The following PPP1R16B variants were observed in gnomAD, a reference collection of about 807,000 sequenced individuals.
PPP1R16B encodes the protein protein phosphatase 1 regulatory subunit 16B, also known as protein phosphatase 1 regulatory inhibitor subunit 16B.
A neutral mutation model predicts 61.7 loss-of-function variants in PPP1R16B; 14 were observed. The observed-to-expected ratio is 0.23, with a 90% CI of 0.15 to 0.35. The LOEUF is 0.35. PPP1R16B is among the 10% of genes least tolerant of loss of function. The pLI, the probability that PPP1R16B is intolerant of heterozygous loss-of-function variation, is 1.00. For synonymous variants in PPP1R16B, 266 were observed against 305.3 expected (o/e 0.87, Z 1.34); for missense variants, 547 against 752.5 (o/e 0.73, Z 3.19).
At chr20:38,826,776 G>A (rs374245485) in intron 1 of PPP1R16B, among the ~76,000 whole-genome samples, 11 of 152,240 alleles carry the variant, frequency 7.2e-5, no homozygotes, top group South Asian at 2.1e-4. Flanking sequence ...GGCCATTCCC[G>A]TCTACCACCC....
intron 1 of PPP1R16B, among the ~76,000 whole-genome samples, chr20:38,825,147 T>C (rs962842428): frequency 1.3e-5 from 2 of 152,236 alleles, no homozygotes; most frequent in Non-Finnish European, 1.5e-5. Flanking sequence ...CTTATGCTGG[T>C]AATGGTGTGG....
At chr20:38,880,878 G>C (rs768192039) in intron 2 of PPP1R16B, among the ~76,000 whole-genome samples, 1 of 152,170 alleles carries the variant, frequency 6.6e-6, no homozygotes, top group Non-Finnish European at 1.5e-5. Flanking sequence ...AACTTTTTAA[G>C]GACCTGTCAG....
intron 6 of PPP1R16B, among the ~76,000 whole-genome samples, chr20:38,903,587 A>G (rs4810241): frequency 0.31 from 45,753 of 145,588 alleles, 7,135 homozygotes; most frequent in Middle Eastern, 0.5. Context: ...CCGTCCATCC[A>G]TCCATCCATC....
chr20:38,873,242 G>C (rs1372075492), intron 2 of PPP1R16B, among the ~76,000 whole-genome samples: 1 of 152,162 alleles, frequency 6.6e-6, no homozygotes, highest in Non-Finnish European at 1.5e-5. Flanking sequence ...GTTCAGCAAA[G>C]AATTTCCCTG....
chr20:38,839,279 C>T (rs954016088), intron 2 of PPP1R16B, among the ~76,000 whole-genome samples: 3 of 152,164 alleles, frequency 2.0e-5, no homozygotes. Context: ...GAGGGTATGG[C>T]AAGACTTAGA....
At chr20:38,875,365 C>A (rs1418580330) in intron 2 of PPP1R16B, among the ~76,000 whole-genome samples, 2 of 152,210 alleles carry the variant, frequency 1.3e-5, no homozygotes, top group African/African-American at 4.8e-5. Context: ...GCTCCTGTTT[C>A]CTCTCTGCCC....
rs1324602853 is a variant in PPP1R16B at position 38,918,438 on chromosome 20, G to A, written c.1476G>A (p.Leu492=). The stretch of plus-strand genomic sequence containing the variant: ...AGCGGCAGCGGGCTGCAGCCAAGCT[G>A]CTCAGCCACCCCTTCCTTAGCACAC... The part of the protein sequence containing the change: ...ELKRQRAAAK[L]LSHPFLSTHL... The change falls in exon 11 of 11, where the codon CTG becomes CTA. Residue 492 remains leucine (L), a synonymous_variant. Coordinates refer to ENST00000299824, the MANE Select transcript of PPP1R16B (RefSeq NM_015568.4). This position sits in a 1 kb window ranked among gnomAD's most constrained non-coding sequence, Gnocchi z 5.3. 6.2e-7 allele frequency: 1 copy of A among 1,614,062 alleles called. No individual in the cohort carries two copies. Among genetic ancestry groups the A allele is most frequent in the African/African-American group, 1.3e-5 (1 of 74,948 alleles).
At chr20:38,856,524 C>G (rs1024397309) in intron 2 of PPP1R16B, among the ~76,000 whole-genome samples, 1 of 152,146 alleles carries the variant, frequency 6.6e-6, no homozygotes, top group Admixed American at 6.5e-5. Flanking sequence ...GGGAGGGGCT[C>G]TCTCTTCTCT....
intron 2 of PPP1R16B, among the ~76,000 whole-genome samples, chr20:38,842,325 G>T (rs1338509090): frequency 6.6e-6 from 1 of 152,162 alleles, no homozygotes; most frequent in Non-Finnish European, 1.5e-5. Flanking sequence ...GGGCCCCCAA[G>T]ATAAACTCTT....
intron 1 of PPP1R16B, among the ~76,000 whole-genome samples, chr20:38,822,057 A>G (rs1031612125): frequency 4.7e-5 from 7 of 148,322 alleles, no homozygotes; most frequent in African/African-American, 1.7e-4. Flanking sequence ...TATAATATAT[A>G]TATTTTTTTA....
chr20:38,886,191 T>C (rs2085243624), intron 2 of PPP1R16B, among the ~76,000 whole-genome samples: 1 of 152,202 alleles, frequency 6.6e-6, no homozygotes, highest in African/African-American at 2.4e-5. Context: ...AGCCAGGCCT[T>C]GGGCTCCTAG....
In PPP1R16B at chr20:38,906,082, C is replaced by T; in HGVS notation, c.810C>T (p.Ala270=). The part of the protein sequence containing the change: ...WDGWEPLHAA[A]FWGQMQMAEL... Reference sequence around the variant, plus strand: ...GCTGGGAGCCCCTGCATGCAGCTGCCTTCTGGGGACAGGTAGTTCTCACCC... The same window carrying T: ...GCTGGGAGCCCCTGCATGCAGCTGCTTTCTGGGGACAGGTAGTTCTCACCC... The change falls in exon 7 of 11, where the codon GCC becomes GCT. Residue 270 remains alanine (A), a synonymous_variant. Coordinates refer to ENST00000299824, the MANE Select transcript of PPP1R16B (RefSeq NM_015568.4). The T allele has an allele frequency of 1.2e-6, 2 of 1,612,984 alleles. No homozygotes were observed. Among genetic ancestry groups the T allele is most frequent in the Non-Finnish European group, 1.7e-6 (2 of 1,179,854 alleles).
In PPP1R16B at chr20:38,918,077, A is replaced by G. The variant is rs955496526; in HGVS notation, c.1195-80A>G. 11 of 1,537,668 alleles carry G rather than the reference A, an allele frequency of 7.2e-6. No individual in the cohort carries two copies. Among genetic ancestry groups the G allele is most frequent in the Non-Finnish European group, 8.9e-6 (10 of 1,129,522 alleles). ...CAGATAGAGGAAAAGTCCAAACAAT[A>G]ATGCCCTCAGCAGAGAGACAGGTGG... is the stretch of plus-strand genomic sequence containing the variant. On this transcript the variant is annotated intron_variant, in intron 10 of 10. Transcript: ENST00000299824. The surrounding 1 kb of genome is among the most constrained non-coding windows in gnomAD (Gnocchi z 5.3).
chr20:38,918,379 A>C lies in PPP1R16B; in HGVS notation c.1417A>C (p.Lys473Gln), dbSNP rs61752055. 6.4e-3 allele frequency: 10,327 copies of C among 1,614,130 alleles called. 47 individuals are homozygous for C. Among genetic ancestry groups the C allele is most frequent in the Non-Finnish European group, 7.6e-3 (8,996 of 1,180,036 alleles). Residue 473 changes from lysine to glutamine, a missense_variant, in exon 11 of 11, where the codon AAG becomes CAG. Physicochemically the swap from Lys to Gln is moderately conservative, Grantham distance 53. Coordinates refer to ENST00000299824, the MANE Select transcript of PPP1R16B (RefSeq NM_015568.4). This position sits in a 1 kb window ranked among gnomAD's most constrained non-coding sequence, Gnocchi z 5.3. ...CGCCACCCCGCCCTGGAGCAGCTAC[A>C]AGGAACAGAGCCCTCAGACGCTTCT... Reference protein sequence around the residue: ...ADATPPWSSYKEQSPQTLLEL... With the variant: ...ADATPPWSSYQEQSPQTLLEL...
intron 10 of PPP1R16B, among the ~76,000 whole-genome samples, chr20:38,915,008 G>A (rs189458967): frequency 2.6e-5 from 4 of 151,144 alleles, no homozygotes; most frequent in East Asian, 1.9e-4. Context: ...TTTTTTTTCC[G>A]AGCAGTTTTA....
intron 5 of PPP1R16B, among the ~76,000 whole-genome samples, chr20:38,900,943 T>C (rs980000316): frequency 1.8e-4 from 28 of 152,244 alleles, no homozygotes; most frequent in African/African-American, 6.5e-4. Context: ...TGGCCGCAGC[T>C]GGCCTTGTCT....
intron 6 of PPP1R16B, among the ~76,000 whole-genome samples, chr20:38,903,627 A>ATCAT (rs1181554615): frequency 1.3e-5 from 2 of 151,818 alleles, no homozygotes; most frequent in Non-Finnish European, 2.9e-5. Context: ...CATTCCATCC[A>ATCAT]TCCATCCAGC....
intron 2 of PPP1R16B, among the ~76,000 whole-genome samples, chr20:38,852,768 T>TTTG (rs1601257219): frequency 4.0e-4 from 25 of 62,360 alleles, no homozygotes; most frequent in Non-Finnish European, 5.0e-4. Flanking sequence ...TTTTTTTTTT[T>TTTG]GCGGGGGGTG....
At chr20:38,872,162 G>A (rs539801383) in intron 2 of PPP1R16B, among the ~76,000 whole-genome samples, 4 of 152,290 alleles carry the variant, frequency 2.6e-5, no homozygotes, top group South Asian at 2.1e-4. Flanking sequence ...AGACTTCACC[G>A]GGTGGTGCCT....
Sources: allele counts gnomAD v4.1 joint callset (sites outside exome capture counted in the v4.1 genomes callset), GRCh38; gene constraint gnomAD v4.1.1; non-coding constraint Gnocchi (gnomAD v3.1); transcripts MANE v1.5; gene names NCBI Gene and HGNC (gene_info 2026-07-23, HGNC 2026-07-21).